PDZD2: variants seen among roughly 807,000 people sequenced by gnomAD.
PDZD2 encodes PDZ domain containing 2.
Under a neutral mutation model 220.7 loss-of-function variants are expected in PDZD2, and 90 were observed. The ratio of observed to expected loss-of-function variants is 0.41; its 90% CI spans 0.34 to 0.49. PDZD2 has a LOEUF of 0.49. Ranked by LOEUF, PDZD2 falls within the 20% of genes least tolerant of loss-of-function variation. PDZD2 has a pLI of 0.28. For synonymous variants in PDZD2, 1,375 were observed against 1,450.5 expected (o/e 0.95, Z 1.18); for missense variants, 3,174 against 3,608.5 (o/e 0.88, Z 3.08).
chr5:31,905,185 T>G (rs182937109), intron 2 of PDZD2, among the ~76,000 whole-genome samples: 1 of 152,304 alleles, frequency 6.6e-6, no homozygotes, highest in Non-Finnish European at 1.5e-5. Context: ...TTCACCATGT[T>G]GGCCAGGCTG....
At chr5:31,643,648 G>A (rs1231453688) in intron 1 of PDZD2, among the ~76,000 whole-genome samples, 2 of 152,178 alleles carry the variant, frequency 1.3e-5, no homozygotes, top group African/African-American at 4.8e-5. Context: ...GCAGGTGGCT[G>A]AGGAAGAATT....
intron 1 of PDZD2, among the ~76,000 whole-genome samples, chr5:31,798,154 T>A (rs1754156021): frequency 6.6e-6 from 1 of 152,188 alleles, no homozygotes; most frequent in African/African-American, 2.4e-5. Context: ...ATTCAATGTG[T>A]TTAAAAGCAA....
At chr5:31,807,741 T>G (rs1754824374) in intron 2 of PDZD2, among the ~76,000 whole-genome samples, 1 of 151,902 alleles carries the variant, frequency 6.6e-6, no homozygotes, top group African/African-American at 2.4e-5. Flanking sequence ...CACCTTTGAG[T>G]TCCGGGAGTG....
At position 32,092,997 on chromosome 5, in the gene PDZD2, C is replaced by G; in HGVS notation, c.7818C>G (p.Leu2606=). ...GATCGAAATCTACCATCCTAACTCT[C>G]ATTCAGGAAGCGAAAGCACAATCAG... The part of the protein sequence containing the change: ...SVGSKSTILT[L]IQEAKAQSEN... Residue 2606 remains leucine, a synonymous_variant, in exon 21 of 25, where the codon CTC becomes CTG. Coordinates refer to ENST00000438447, the MANE Select transcript of PDZD2 (RefSeq NM_178140.4). 6.3e-7 allele frequency: 1 copy of G among 1,589,788 alleles called. No homozygotes were observed. The highest frequency in any genetic ancestry group is 8.6e-7 in the Non-Finnish European group (1 of 1,158,556).
In PDZD2 at chr5:32,042,593, A is replaced by T. The variant is rs934081195; in HGVS notation, c.1519+5251A>T. Among the ~76,000 whole-genome samples the T allele has an allele frequency of 2.6e-5, 4 of 152,206 alleles. No homozygotes were observed. The East Asian group carries it at 7.7e-4, about 29-fold the overall frequency. The stretch of plus-strand genomic sequence containing the variant: ...TCTTAAAAAGAAAAAGAAAAAAAAG[A>T]ATGTGATTGACAGAATGAGTTATTT... On this transcript the variant is annotated intron_variant, in intron 7 of 24. Transcript: ENST00000438447.
chr5:31,750,634 G>A (rs1750899650), intron 1 of PDZD2, among the ~76,000 whole-genome samples: 1 of 152,192 alleles, frequency 6.6e-6, no homozygotes. Flanking sequence ...TGGGTGCTGT[G>A]ACGGGCAGAT....
chr5:31,811,739 C>T (rs1331656653), intron 2 of PDZD2, among the ~76,000 whole-genome samples: 1 of 152,102 alleles, frequency 6.6e-6, no homozygotes, highest in African/African-American at 2.4e-5. Context: ...CCTGTAATCT[C>T]AGCACTTTTG....
chr5:31,810,369 TCTC>T (rs1755027925), intron 2 of PDZD2, among the ~76,000 whole-genome samples: 1 of 135,726 alleles, frequency 7.4e-6, no homozygotes. Flanking sequence ...TTCATGCAAT[TCTC>T]CTGCCTCAGC....
At chr5:32,049,995 G>A (rs1319321280) in intron 8 of PDZD2, among the ~76,000 whole-genome samples, 1 of 152,158 alleles carries the variant, frequency 6.6e-6, no homozygotes, top group Non-Finnish European at 1.5e-5. Flanking sequence ...GTTCAGTGGT[G>A]CGACCTTGGC....
At chr5:31,839,806 G>C (rs1228286199) in intron 2 of PDZD2, among the ~76,000 whole-genome samples, 2 of 152,198 alleles carry the variant, frequency 1.3e-5, no homozygotes, top group African/African-American at 2.4e-5. Flanking sequence ...TCATGCTGCT[G>C]TTCTCATGAC....
intron 2 of PDZD2, among the ~76,000 whole-genome samples, chr5:31,814,257 T>G (rs1273694661): frequency 1.3e-5 from 2 of 152,200 alleles, no homozygotes; most frequent in East Asian, 3.8e-4. Context: ...GATTTGAGTT[T>G]TACAAATTAT....
chr5:32,035,108 A>C (rs2112212380), intron 6 of PDZD2, among the ~76,000 whole-genome samples: 1 of 152,322 alleles, frequency 6.6e-6, no homozygotes, highest in Non-Finnish European at 1.5e-5. Flanking sequence ...TCCTGTTTCT[A>C]ACCCAGAAAG....
At chr5:32,060,924 C>T in intron 13 of PDZD2, 78 bp from the exon 14 acceptor site, 2 of 1,371,516 alleles carry the variant, frequency 1.5e-6, no homozygotes, top group Non-Finnish European at 2.1e-6. Context: ...TATTATAAAC[C>T]TCTCCTAGCA....
intron 2 of PDZD2, among the ~76,000 whole-genome samples, chr5:31,842,235 A>C (rs917797973): frequency 2.0e-5 from 3 of 152,202 alleles, no homozygotes; most frequent in African/African-American, 7.2e-5. Flanking sequence ...TAGAATCCTG[A>C]ACCTACAATT....
intron 2 of PDZD2, among the ~76,000 whole-genome samples, chr5:31,876,275 T>C (rs1739292509): frequency 6.7e-6 from 1 of 148,396 alleles, no homozygotes; most frequent in Non-Finnish European, 1.5e-5. Context: ...ATGCGCTTGA[T>C]TTTTGAATTT....
intron 6 of PDZD2, among the ~76,000 whole-genome samples, chr5:32,020,642 C>CTTTTTTT (rs11459649): frequency 1.4e-5 from 2 of 146,252 alleles, no homozygotes. Flanking sequence ...ACAAAATGAT[C>CTTTTTTT]TTTTTTTTTT....
chr5:32,030,255 G>A (rs1755018341), intron 6 of PDZD2, among the ~76,000 whole-genome samples: 1 of 152,186 alleles, frequency 6.6e-6, no homozygotes, highest in African/African-American at 2.4e-5. Context: ...CACATTTGTT[G>A]AGCTGGAAAA....
At chr5:31,796,907 T>TTTTTTTTGTTTTTTG (rs1554075976) in intron 1 of PDZD2, among the ~76,000 whole-genome samples, 2 of 150,244 alleles carry the variant, frequency 1.3e-5, no homozygotes, top group Admixed American at 6.6e-5. Flanking sequence ...ATTTACGGGG[T>TTTTTTTTGTTTTTTG]TTTTTTTGTT....
intron 19 of PDZD2, chr5:32,078,001 A>G (rs927059546): frequency 5.1e-6 from 1 of 196,866 alleles, no homozygotes; most frequent in African/African-American, 2.4e-5. Flanking sequence ...ATTTTTAAGG[A>G]GAAAAATCTT....
Sources: gnomAD v4.1 joint callset for allele counts (sites outside exome capture counted in the v4.1 genomes callset) on GRCh38, gnomAD v4.1.1 for gene constraint, MANE v1.5 for transcripts, NCBI Gene and HGNC (gene_info 2026-07-23, HGNC 2026-07-21) for gene names.